The following ZBED3 variants were observed in gnomAD, a reference collection of about 807,000 sequenced individuals.
ZBED3 encodes zinc finger BED-type containing 3.
For missense variants in ZBED3, 388 were observed against 362.9 expected, an observed-to-expected ratio of 1.07 and a Z score of -0.56; for synonymous variants, 175 against 180.0, an observed-to-expected ratio of 0.97 and a Z score of 0.22.
At position 77,076,025 on chromosome 5, in the gene ZBED3, A is replaced by ATATATATGTATATATG. The variant is rs1554048051; in HGVS notation, c.*1133_*1148dup. 5 of 72,550 alleles carry ATATATATGTATATATG rather than the reference A, an allele frequency of 6.9e-5. 1 individual carries two copies. Among genetic ancestry groups the ATATATATGTATATATG allele is most frequent in the African/African-American group, 2.1e-4 (4 of 18,758 alleles). 4.5% of individuals were successfully genotyped at this position (72,550 alleles called of 1,614,324 possible). A position where few individuals can be genotyped will look rare whatever the true frequency, so the allele number is the denominator to read the frequency against. On this transcript the variant is annotated 3_prime_UTR_variant, in exon 3 of 3. Transcript: ENST00000255198. The stretch of plus-strand genomic sequence containing the variant: ...TGTATATATATATGTATATATGTAT[A>ATATATATGTATATATG]TATATATGTATATATGTATATATAT...
chr5:77,077,536 A>AT lies in ZBED3; in HGVS notation c.342_343insA (p.Cys115MetfsTer89), dbSNP rs1743045580. 1.6e-6 allele frequency: 2 copies of AT among 1,215,970 alleles called. No individual in the cohort carries two copies. Among genetic ancestry groups the AT allele is most frequent in the Non-Finnish European group, 2.0e-6 (2 of 980,996 alleles). The allele number at this position is 1,215,970 out of a possible 1,614,324, so 75.3% of individuals were successfully genotyped here. A position where few individuals can be genotyped will look rare whatever the true frequency, so the allele number is the denominator to read the frequency against. On this transcript the variant is annotated frameshift_variant, in exon 3 of 3. Coordinates refer to ENST00000255198, the MANE Select transcript of ZBED3 (RefSeq NM_032367.4). LOFTEE classifies it low-confidence loss of function (END_TRUNC). ...GCAGCGGGGCCGGGCGGCGGCGGGC[A>AT]GGGCGCGGCAGGTGGGGAGCTCCCG... is the stretch of plus-strand genomic sequence containing the variant.
rs1580142423 is a variant in ZBED3 at position 77,072,207 on chromosome 5, C to T, written c.*4967G>A. The T allele has an allele frequency of 6.6e-6, 1 of 151,986 alleles. No individual in the cohort carries two copies. The highest frequency in any genetic ancestry group is 2.4e-5 in the African/African-American group (1 of 41,254). The allele number at this position is 151,986 out of a possible 1,614,324, so 9.4% of individuals were successfully genotyped here. ...TCCCAGTGCTACCTGAATTCATTCA[C>T]ATCATAAACCAACTAAAATGGGCTT... On this transcript the variant is annotated 3_prime_UTR_variant, in exon 3 of 3. Transcript: ENST00000255198.
At chr5:77,083,972 A>G (rs1209582304) in intron 1 of ZBED3, among the ~76,000 whole-genome samples, 4 of 152,234 alleles carry the variant, frequency 2.6e-5, no homozygotes, top group Non-Finnish European at 5.9e-5. Flanking sequence ...AGCTAATAAG[A>G]AAATGAAAAA....
intron 1 of ZBED3, among the ~76,000 whole-genome samples, chr5:77,083,310 G>C (rs571592347): frequency 1.3e-5 from 2 of 152,318 alleles, no homozygotes; most frequent in Non-Finnish European, 2.9e-5. Context: ...GCTGCTCATT[G>C]TCACGTGGTT....
intron 1 of ZBED3, among the ~76,000 whole-genome samples, chr5:77,085,419 T>C (rs1346307485): frequency 1.3e-5 from 2 of 152,254 alleles, no homozygotes; most frequent in Non-Finnish European, 2.9e-5. Context: ...GGCACTGTTC[T>C]CAAAAGGACA....
intron 1 of ZBED3, among the ~76,000 whole-genome samples, chr5:77,079,885 A>C (rs538265972): frequency 1.3e-5 from 2 of 152,346 alleles, no homozygotes; most frequent in Non-Finnish European, 2.9e-5. Flanking sequence ...ACAGAGTAAG[A>C]TTTAAGTGTT....
In ZBED3 at chr5:77,076,516, G is replaced by A. The variant is rs1047935604; in HGVS notation, c.*658C>T. The stretch of plus-strand genomic sequence containing the variant: ...AGCAAGGGAAGGATGGCCGAGGGGA[G>A]ACAGAGTGCACCTGGTATTGGTTGA... On this transcript the variant is annotated 3_prime_UTR_variant, in exon 3 of 3. Coordinates refer to ENST00000255198, the MANE Select transcript of ZBED3 (RefSeq NM_032367.4). 1 of 152,168 alleles carries A rather than the reference G, an allele frequency of 6.6e-6. No individual in the cohort carries two copies. Among genetic ancestry groups the A allele is most frequent in the Non-Finnish European group, 1.5e-5 (1 of 68,118 alleles). 9.4% of individuals were successfully genotyped at this position (152,168 alleles called of 1,614,324 possible).
intron 1 of ZBED3, among the ~76,000 whole-genome samples, chr5:77,080,076 T>C (rs1019889381): frequency 4.6e-5 from 7 of 152,220 alleles, no homozygotes; most frequent in Non-Finnish European, 8.8e-5. Flanking sequence ...ACTTTATAAA[T>C]TAAAAGGGAT....
At position 77,076,690 on chromosome 5, in the gene ZBED3, C is replaced by CT. The variant is rs35247540; in HGVS notation, c.*483dup. On this transcript the variant is annotated 3_prime_UTR_variant, in exon 3 of 3. Transcript: ENST00000255198. ...TTGGGCAGATTATGCATTAGGAACT[C>CT]TTTTTTTTTTTTTTTTGGGTAAAAA... 0.19 allele frequency: 27,091 copies of CT among 143,506 alleles called. 2,493 individuals are homozygous for CT. The highest frequency in any genetic ancestry group is 0.24 in the South Asian group (1,077 of 4,460). 8.9% of individuals were successfully genotyped at this position (143,506 alleles called of 1,614,324 possible). A position where few individuals can be genotyped will look rare whatever the true frequency, so the allele number is the denominator to read the frequency against.
Position 77,077,282 on chromosome 5 carries a change from C to A in ZBED3, c.597G>T (p.Val199=). The A allele has an allele frequency of 7.2e-7, 1 of 1,396,564 alleles. No homozygotes were observed. The highest frequency in any genetic ancestry group is 9.3e-7 in the Non-Finnish European group (1 of 1,077,236). 86.5% of individuals were successfully genotyped at this position (1,396,564 alleles called of 1,614,324 possible). ...REALQARLRD[V]SRREGALGWA... is the part of the protein sequence containing the mutation. ...AGCCCAGGGCGCCCTCACGGCGGCTCACATCCCGCAGCCGCGCCTGCAGCG... is the reference window on the plus strand; with the variant it reads ...AGCCCAGGGCGCCCTCACGGCGGCTAACATCCCGCAGCCGCGCCTGCAGCG... Residue 199 remains valine, a synonymous_variant, in exon 3 of 3, where the codon GTG becomes GTT. Coordinates refer to ENST00000255198, the MANE Select transcript of ZBED3 (RefSeq NM_032367.4).
chr5:77,077,364 T>C lies in ZBED3; in HGVS notation c.515A>G (p.Gln172Arg). ...RALERRRRAL[Q>R]EEERAAAQAR... ...CTGGGCCGCGGCGCGCTCTTCCTCCTGCAGCGCCCTCCGCCTCCGCTCCAG... is the reference window on the plus strand; with the variant it reads ...CTGGGCCGCGGCGCGCTCTTCCTCCCGCAGCGCCCTCCGCCTCCGCTCCAG... The change falls in exon 3 of 3, where the codon CAG (glutamine) becomes CGG (arginine). Residue 172 changes from glutamine to arginine, a missense_variant. By Grantham distance (43) the Gln-to-Arg change is conservative. Transcript: ENST00000255198. 8.0e-7 allele frequency: 1 copy of C among 1,255,294 alleles called. No homozygotes were observed. Among genetic ancestry groups the C allele is most frequent in the Middle Eastern group, 3.1e-4 (1 of 3,212 alleles). The allele number at this position is 1,255,294 out of a possible 1,614,324, so 77.8% of individuals were successfully genotyped here.
chr5:77,079,769 A>C (rs1743093219), intron 1 of ZBED3, among the ~76,000 whole-genome samples: 1 of 152,260 alleles, frequency 6.6e-6, no homozygotes, highest in Non-Finnish European at 1.5e-5. Flanking sequence ...ACATTGCTAA[A>C]GTCTCAAAAG....
chr5:77,077,502 T>A lies in ZBED3; in HGVS notation c.377A>T (p.Glu126Val), dbSNP rs1743043564. The A allele has an allele frequency of 3.4e-6, 4 of 1,192,116 alleles. No individual in the cohort carries two copies. Among genetic ancestry groups the A allele is most frequent in the Non-Finnish European group, 4.1e-6 (4 of 965,532 alleles). 73.8% of individuals were successfully genotyped at this position (1,192,116 alleles called of 1,614,324 possible). A position where few individuals can be genotyped will look rare whatever the true frequency, so the allele number is the denominator to read the frequency against. ...TTCCAGCAGGCGCGCCCAGTCGCCC[T>A]CGGGGGCCGCAGCGGGGCCGGGCGG... ...PPPPGPAAAP[E>V]GDWARLLEQM... Residue 126 changes from glutamate to valine, a missense_variant, in exon 3 of 3, where the codon GAG becomes GTG. Transcript: ENST00000255198.
rs1742947316 is a variant in ZBED3, at chr5:77,074,952, T to TA, written c.*2221dup. ...TGTTAAGTGTGTAGTATGTGCCTGA[T>TA]ACATTGTTAGTGCCCAGTAAATGTT... On this transcript the variant is annotated 3_prime_UTR_variant, in exon 3 of 3. Transcript: ENST00000255198. 6.6e-6 allele frequency: 1 copy of TA among 152,214 alleles called. No homozygotes were observed. Among genetic ancestry groups the TA allele is most frequent in the African/African-American group, 2.4e-5 (1 of 41,432 alleles). 9.4% of individuals were successfully genotyped at this position (152,214 alleles called of 1,614,324 possible).
At position 77,077,101 on chromosome 5, in the gene ZBED3, G is replaced by C; in HGVS notation, c.*73C>G. ...GGGCCTGGCTTCGGTTACGGCTTCG[G>C]TCCCAGCGGGGTCTGAAGGCATTGG... On this transcript the variant is annotated 3_prime_UTR_variant, in exon 3 of 3. Transcript: ENST00000255198. 2 of 1,175,838 alleles carry C rather than the reference G, an allele frequency of 1.7e-6. No individual in the cohort carries two copies. Among genetic ancestry groups the C allele is most frequent in the Non-Finnish European group, 2.2e-6 (2 of 921,070 alleles). 72.8% of individuals were successfully genotyped at this position (1,175,838 alleles called of 1,614,324 possible).
intron 1 of ZBED3, among the ~76,000 whole-genome samples, chr5:77,085,487 T>C (rs1743219059): frequency 6.6e-6 from 1 of 152,240 alleles, no homozygotes. Flanking sequence ...TTACTGTAGT[T>C]GGGTTGACCA....
chr5:77,085,919 G>A (rs1393013780), intron 1 of ZBED3, among the ~76,000 whole-genome samples: 1 of 152,192 alleles, frequency 6.6e-6, no homozygotes, highest in Non-Finnish European at 1.5e-5. Flanking sequence ...GTTATATGTG[G>A]ACTGTAAAAA....
rs1742925538 is a variant in ZBED3, at chr5:77,073,823, T to C, written c.*3351A>G. ...TGAGCAGCTACGGAATGCAAGGCACTGTAGGAGTAGGGTGAGTATACTCCC... is the reference window on the plus strand; with the variant it reads ...TGAGCAGCTACGGAATGCAAGGCACCGTAGGAGTAGGGTGAGTATACTCCC... On this transcript the variant is annotated 3_prime_UTR_variant, in exon 3 of 3. Transcript: ENST00000255198. 1 of 152,184 alleles carries C rather than the reference T, an allele frequency of 6.6e-6. No homozygotes were observed. Among genetic ancestry groups the C allele is most frequent in the Non-Finnish European group, 1.5e-5 (1 of 68,034 alleles). 9.4% of individuals were successfully genotyped at this position (152,184 alleles called of 1,614,324 possible). A position where few individuals can be genotyped will look rare whatever the true frequency, so the allele number is the denominator to read the frequency against.
chr5:77,082,540 G>C (rs1743149956), intron 1 of ZBED3, among the ~76,000 whole-genome samples: 1 of 152,154 alleles, frequency 6.6e-6, no homozygotes, highest in Non-Finnish European at 1.5e-5. Context: ...GTCTTACAAG[G>C]ATATCTGGAG....
Sources: allele counts gnomAD v4.1 joint callset (sites outside exome capture counted in the v4.1 genomes callset), GRCh38; gene constraint gnomAD v4.1.1; transcripts MANE v1.5; gene names NCBI Gene and HGNC (gene_info 2026-07-23, HGNC 2026-07-21).